RALYL: variants seen among roughly 807,000 people sequenced by gnomAD.
RALYL encodes the protein RALY RNA binding protein like.
A neutral mutation model predicts 35.1 loss-of-function variants in RALYL; 29 were observed. The ratio of observed to expected loss-of-function variants is 0.83; its 90% CI spans 0.61 to 1.13. RALYL has a LOEUF of 1.13. Ranked by LOEUF, RALYL falls within the 50% of genes most tolerant of loss-of-function variation. RALYL has a pLI of 0.00. For synonymous variants in RALYL, 120 were observed against 127.6 expected (o/e 0.94, Z 0.40); for missense variants, 359 against 360.4 (o/e 1.00, Z 0.03).
intron 2 of RALYL, among the ~76,000 whole-genome samples, chr8:84,752,138 G>T (rs1810201454): frequency 6.6e-6 from 1 of 152,188 alleles, no homozygotes. Context: ...CTCAGATGGA[G>T]ATGAGGAGCT....
At chr8:84,231,281 G>A (rs750407913) in intron 1 of RALYL, among the ~76,000 whole-genome samples, 1 of 152,006 alleles carries the variant, frequency 6.6e-6, no homozygotes, top group African/African-American at 2.4e-5. Context: ...TAAGAACCAT[G>A]ACACGGCATG....
In RALYL at chr8:84,691,590, C is replaced by T. The variant is rs561440306; in HGVS notation, c.257-82989C>T. Among the ~76,000 whole-genome samples, 6 of 152,112 alleles carry T rather than the reference C, an allele frequency of 3.9e-5. 1 individual carries two copies. Among genetic ancestry groups the T allele is most frequent in the East Asian group, 3.9e-4 (2 of 5,166 alleles). On this transcript the variant is annotated intron_variant, in intron 2 of 8. Transcript: ENST00000521268. ...TAATTAAAGAAAGAGCAAATGAGCA[C>T]CTTCTAAACCAAACATGCTGGGCTT...
chr8:84,620,515 T>C (rs1170420300), intron 2 of RALYL, among the ~76,000 whole-genome samples: 2 of 152,142 alleles, frequency 1.3e-5, no homozygotes, highest in African/African-American at 4.8e-5. Flanking sequence ...TTCAAAGTTT[T>C]CAACTTCTTT....
chr8:84,685,755 A>T (rs1836633935), intron 2 of RALYL, among the ~76,000 whole-genome samples: 1 of 152,194 alleles, frequency 6.6e-6, no homozygotes, highest in African/African-American at 2.4e-5. Context: ...ATAAGAATCT[A>T]ATGAAAATGA....
chr8:84,267,822 T>G (rs555692103), intron 1 of RALYL, among the ~76,000 whole-genome samples: 11 of 152,298 alleles, frequency 7.2e-5, no homozygotes, highest in African/African-American at 1.4e-4. Flanking sequence ...GAGGTGTTTT[T>G]TTGTTGTTGT....
chr8:84,499,559 T>C (rs2056444225), intron 1 of RALYL, among the ~76,000 whole-genome samples: 1 of 152,136 alleles, frequency 6.6e-6, no homozygotes, highest in Non-Finnish European at 1.5e-5. Context: ...TGTTATATAA[T>C]GTACTTCTGT....
chr8:84,854,929 G>A (rs977852150), intron 5 of RALYL, among the ~76,000 whole-genome samples: 2 of 152,166 alleles, frequency 1.3e-5, no homozygotes, highest in East Asian at 1.9e-4. Context: ...CTGAGATGGG[G>A]ATATGGGCTG....
At chr8:84,272,687 T>C (rs909562321) in intron 1 of RALYL, among the ~76,000 whole-genome samples, 1 of 152,168 alleles carries the variant, frequency 6.6e-6, no homozygotes, top group Admixed American at 6.5e-5. Context: ...TGAAATACCT[T>C]GGTATATTTT....
At chr8:84,903,342 G>T (rs1845992200) in intron 8 of RALYL, among the ~76,000 whole-genome samples, 1 of 152,094 alleles carries the variant, frequency 6.6e-6, no homozygotes, top group African/African-American at 2.4e-5. Context: ...AAAGAGAAGG[G>T]TTTGTCATTA....
Position 84,183,545 on chromosome 8 carries a change from T to A in RALYL, c.-903T>A, listed in dbSNP as rs1328014598. 1 of 152,272 alleles carries A rather than the reference T, an allele frequency of 6.6e-6. No individual in the cohort carries two copies. Among genetic ancestry groups the A allele is most frequent in the Non-Finnish European group, 1.5e-5 (1 of 68,052 alleles). The allele number at this position is 152,272 out of a possible 1,614,324, so 9.4% of individuals were successfully genotyped here. On this transcript the variant is annotated 5_prime_UTR_variant, in exon 1 of 9. Transcript: ENST00000521268. ...CCGCCATACTGTATTTTATACTAAATCTCATTTTTATTCCAACATTTTACT... is the reference window on the plus strand; with the variant it reads ...CCGCCATACTGTATTTTATACTAAAACTCATTTTTATTCCAACATTTTACT...
At chr8:84,349,837 C>A (rs1850556483) in intron 1 of RALYL, among the ~76,000 whole-genome samples, 2 of 150,018 alleles carry the variant, frequency 1.3e-5, no homozygotes, top group Admixed American at 1.3e-4. Flanking sequence ...GAGGAATCAC[C>A]CATCACCTTA....
intron 1 of RALYL, among the ~76,000 whole-genome samples, chr8:84,351,069 C>T (rs1850797077): frequency 6.7e-6 from 1 of 149,522 alleles, no homozygotes. Flanking sequence ...ATAATTTATT[C>T]CTGTTTGTTC....
intron 5 of RALYL, among the ~76,000 whole-genome samples, chr8:84,856,340 A>C (rs1365669): frequency 0.92 from 139,954 of 152,282 alleles, 64,447 homozygotes; most frequent in African/African-American, 0.98. Flanking sequence ...CCCCACAACA[A>C]CATTTGAATT....
At chr8:84,802,227 T>C (rs924884390) in intron 3 of RALYL, among the ~76,000 whole-genome samples, 9 of 152,322 alleles carry the variant, frequency 5.9e-5, no homozygotes, top group African/African-American at 2.2e-4. Flanking sequence ...TCATGAATTT[T>C]CATGTGTCAC....
intron 1 of RALYL, among the ~76,000 whole-genome samples, chr8:84,224,190 G>A (rs1823252895): frequency 6.6e-6 from 1 of 152,134 alleles, no homozygotes; most frequent in Non-Finnish European, 1.5e-5. Flanking sequence ...TCACTGCAAG[G>A]CAATATTTTC....
chr8:84,444,854 T>G (rs978658832), intron 1 of RALYL, among the ~76,000 whole-genome samples: 1 of 152,122 alleles, frequency 6.6e-6, no homozygotes, highest in Non-Finnish European at 1.5e-5. Flanking sequence ...GAAATGGATA[T>G]GAGAACTTTT....
intron 8 of RALYL, among the ~76,000 whole-genome samples, chr8:84,910,689 A>G (rs904817557): frequency 1.3e-5 from 2 of 152,054 alleles, no homozygotes; most frequent in Non-Finnish European, 2.9e-5. Flanking sequence ...TACTGATTGC[A>G]CTTCAGTCCT....
At chr8:84,414,619 A>G (rs942028891) in intron 1 of RALYL, among the ~76,000 whole-genome samples, 1 of 152,206 alleles carries the variant, frequency 6.6e-6, no homozygotes, top group Non-Finnish European at 1.5e-5. Flanking sequence ...ACATTTGCTT[A>G]GTAATTAAAA....
intron 1 of RALYL, among the ~76,000 whole-genome samples, chr8:84,282,095 C>T (rs1273968008): frequency 6.6e-6 from 1 of 152,074 alleles, no homozygotes; most frequent in African/African-American, 2.4e-5. Context: ...TTTGCCTGTC[C>T]TGTTGTCCAT....
Sources: allele counts gnomAD v4.1 joint callset (sites outside exome capture counted in the v4.1 genomes callset), GRCh38; gene constraint gnomAD v4.1.1; transcripts MANE v1.5; gene names NCBI Gene and HGNC (gene_info 2026-07-23, HGNC 2026-07-21).